CCT7: variants seen among roughly 807,000 people sequenced by gnomAD.
CCT7 encodes chaperonin containing TCP1 subunit 7.
Under a neutral mutation model 56.6 loss-of-function variants are expected in CCT7, and 16 were observed. The observed-to-expected ratio is 0.28, with a 90% CI of 0.19 to 0.43. The LOEUF (loss-of-function observed/expected upper bound fraction) is 0.43. Ranked by LOEUF, CCT7 falls within the 20% of genes least tolerant of loss-of-function variation. The pLI, the probability that CCT7 is intolerant of heterozygous loss-of-function variation, is 1.00. For missense variants in CCT7, 519 were observed against 685.6 expected (o/e 0.76, Z 2.71); for synonymous variants, 262 against 254.8 (o/e 1.03, Z -0.27).
intron 6 of CCT7, 92 bp from the exon 7 acceptor site, chr2:73,247,670 C>A: frequency 1.9e-6 from 2 of 1,054,350 alleles, no homozygotes; most frequent in African/African-American, 1.6e-5. Flanking sequence ...CTCAGGCTCA[C>A]AGGAATGGAT....
At chr2:73,245,557 A>G (rs1402372957) in intron 6 of CCT7, among the ~76,000 whole-genome samples, 1 of 152,054 alleles carries the variant, frequency 6.6e-6, no homozygotes, top group Admixed American at 6.5e-5. Context: ...GGACAGCACA[A>G]CTCCTTCTTT....
chr2:73,252,511 T>C, intron 11 of CCT7, 129 bp from the exon 12 acceptor site: 1 of 695,494 alleles, frequency 1.4e-6, no homozygotes, highest in Admixed American at 2.4e-5. Flanking sequence ...AGATGCAGTA[T>C]TCTTCAGCGA....
intron 1 of CCT7, among the ~76,000 whole-genome samples, chr2:73,234,955 C>G (rs566397050): frequency 6.6e-6 from 1 of 152,284 alleles, no homozygotes; most frequent in South Asian, 2.1e-4. Flanking sequence ...ATTAAATAAA[C>G]GCGTCTTTAG....
Position 73,251,235 on chromosome 2 carries a change from G to T in CCT7, c.1213G>T (p.Val405Leu). ...IVRRAIKNDS[V>L]VAGGGAIEME... ...GGTCTGATCTCTGCAGAATGATTCA[G>T]TGGTGGCTGGTGGCGGGGCCATTGA... Residue 405 changes from valine to leucine, a missense_variant, in exon 11 of 12, where the codon GTG (valine) becomes TTG (leucine). Physicochemically the swap from Val to Leu is conservative, Grantham distance 32. Around this residue, in one of 3 missense-constraint regions of CCT7, gnomAD observed 237 missense variants for 300.8 expected, o/e 0.79. Coordinates refer to ENST00000258091, the MANE Select transcript of CCT7 (RefSeq NM_006429.4). 6.2e-7 allele frequency: 1 copy of T among 1,614,198 alleles called. No individual in the cohort carries two copies. The highest frequency in any genetic ancestry group is 1.7e-5 in the Admixed American group (1 of 60,030).
At chr2:73,250,931 A>G (rs561146132) in intron 10 of CCT7, among the ~76,000 whole-genome samples, 19 of 151,980 alleles carry the variant, frequency 1.3e-4, no homozygotes, top group African/African-American at 4.1e-4. Flanking sequence ...CAGAGCAAGC[A>G]GAAGAAAAAG....
intron 1 of CCT7, among the ~76,000 whole-genome samples, chr2:73,234,585 G>A (rs1190136351): frequency 6.6e-6 from 1 of 152,072 alleles, no homozygotes; most frequent in African/African-American, 2.4e-5. Flanking sequence ...CGAGGGCTGC[G>A]TGGGGCTTTA....
chr2:73,237,449 G>T (rs929067148), intron 1 of CCT7: 1 of 152,216 alleles, frequency 6.6e-6, no homozygotes, highest in African/African-American at 2.4e-5. Context: ...GACTCCATCC[G>T]TGGCAGGGGT....
intron 3 of CCT7, among the ~76,000 whole-genome samples, chr2:73,241,578 C>T (rs1340172403): frequency 6.6e-6 from 1 of 152,088 alleles, no homozygotes; most frequent in Non-Finnish European, 1.5e-5. Context: ...CAGCACGACC[C>T]CATCTCTACC....
chr2:73,240,109 G>A, intron 2 of CCT7: 1 of 335,336 alleles, frequency 3.0e-6, no homozygotes, highest in Non-Finnish European at 5.4e-6. Flanking sequence ...TTTATATCTT[G>A]GTATATTAAT....
chr2:73,244,434 AGAGGGCT>A, intron 5 of CCT7, 103 bp from the exon 6 acceptor site: 1 of 897,140 alleles, frequency 1.1e-6, no homozygotes, highest in Non-Finnish European at 1.7e-6. Flanking sequence ...GTGAAGTTGG[AGAGGGCT>A]GAGTTTAGAG....
chr2:73,242,881 A>G, intron 3 of CCT7, 123 bp from the exon 4 acceptor site: 1 of 1,204,666 alleles, frequency 8.3e-7, no homozygotes, highest in Non-Finnish European at 1.2e-6. Flanking sequence ...GTGCTTCCAG[A>G]AAAAAGCTTG....
intron 1 of CCT7, chr2:73,237,773 T>C (rs918937868): frequency 1.3e-5 from 2 of 152,142 alleles, no homozygotes; most frequent in African/African-American, 2.4e-5. Flanking sequence ...TTAAAAAAAT[T>C]TAATGAGGGC....
chr2:73,237,586 A>T (rs1046295920), intron 1 of CCT7: 11 of 152,130 alleles, frequency 7.2e-5, no homozygotes, highest in African/African-American at 2.7e-4. Flanking sequence ...GAAGAGCCAG[A>T]AAGAATGCTG....
intron 1 of CCT7, among the ~76,000 whole-genome samples, chr2:73,235,918 C>A (rs1297843010): frequency 6.6e-6 from 1 of 152,210 alleles, no homozygotes; most frequent in Non-Finnish European, 1.5e-5. Flanking sequence ...GGCTCTAGAT[C>A]ATCACACTTG....
At chr2:73,240,653 G>T (rs1007952739) in intron 3 of CCT7, 110 bp downstream of exon 3, 9 of 519,032 alleles carry the variant, frequency 1.7e-5, no homozygotes, top group Non-Finnish European at 3.0e-5. Flanking sequence ...AATTGTACAA[G>T]TAATACATGC....
At position 73,252,735 on chromosome 2, in the gene CCT7, G is replaced by A. The variant is rs754487747; in HGVS notation, c.1506G>A (p.Ala502=). The part of the protein sequence containing the change: ...VWEPAMVRIN[A]LTAASEAACL... ...AGCCAGCTATGGTGCGGATCAATGC[G>A]CTGACAGCAGCCTCTGAGGCTGCGT... The change falls in exon 12 of 12, where the codon GCG becomes GCA. Residue 502 remains alanine, a synonymous_variant. Coordinates refer to ENST00000258091, the MANE Select transcript of CCT7 (RefSeq NM_006429.4). The A allele has an allele frequency of 1.7e-5, 28 of 1,613,964 alleles. No individual in the cohort carries two copies. Among genetic ancestry groups the A allele is most frequent in the Middle Eastern group, 1.6e-4 (1 of 6,084 alleles).
rs1687577777 is a variant in CCT7, at chr2:73,251,439, C to G, written c.1410+7C>G. ...GCGGGCTCGGCATGCCCAGGTGGGTCCTTTCTCTCCCCAGGGTTCAGGGTT... is the reference window on the plus strand; with the variant it reads ...GCGGGCTCGGCATGCCCAGGTGGGTGCTTTCTCTCCCCAGGGTTCAGGGTT... On this transcript the variant is annotated splice_region_variant and intron_variant, in intron 11 of 11. Coordinates refer to ENST00000258091, the MANE Select transcript of CCT7 (RefSeq NM_006429.4). The G allele has an allele frequency of 1.3e-6, 2 of 1,598,010 alleles. No homozygotes were observed. The highest frequency in any genetic ancestry group is 1.7e-6 in the Non-Finnish European group (2 of 1,168,224).
At position 73,250,488 on chromosome 2, in the gene CCT7, C is replaced by T. The variant is rs750684199; in HGVS notation, c.1203+50C>T. ...TGCACAGCCTACTCTCTCCTATCTC[C>T]CTAGCTGATCAGACCTTGGATTTGT... On this transcript the variant is annotated intron_variant, in intron 10 of 11. Transcript: ENST00000258091. 1.9e-6 allele frequency: 3 copies of T among 1,602,212 alleles called. No homozygotes were observed. In the African/African-American group the frequency reaches 4.0e-5, roughly 21 times the overall value.
intron 4 of CCT7, chr2:73,243,343 G>A: frequency 1.8e-6 from 1 of 566,804 alleles, no homozygotes; most frequent in Non-Finnish European, 3.1e-6. Context: ...GAGTCAGCCT[G>A]GTAGACTATG....
Sources: gnomAD v4.1 joint callset for allele counts (sites outside exome capture counted in the v4.1 genomes callset) on GRCh38, gnomAD v4.1.1 for gene constraint, gnomAD v4.1.1 regional missense constraint, MANE v1.5 for transcripts, NCBI Gene and HGNC (gene_info 2026-07-23, HGNC 2026-07-21) for gene names.